TULP3: variants seen among roughly 807,000 people sequenced by gnomAD.
TULP3 encodes tubby-related protein 3.
TULP3 carries 38 observed loss-of-function variants against 50.7 expected under a neutral mutation model. The observed-to-expected ratio is 0.75, with a 90% CI of 0.58 to 0.98. TULP3 has a LOEUF of 0.98. TULP3 is among the 50% of genes least tolerant of loss of function. TULP3 has a pLI of 0.00. For synonymous variants in TULP3, 183 were observed against 196.6 expected (o/e 0.93, Z 0.58); for missense variants, 550 against 568.0 (o/e 0.97, Z 0.32).
chr12:2,901,967 G>A (rs1399113476), intron 1 of TULP3, among the ~76,000 whole-genome samples: 1 of 152,078 alleles, frequency 6.6e-6, no homozygotes, highest in African/African-American at 2.4e-5. Flanking sequence ...CTAGATTTAA[G>A]AATAAAAAAT....
chr12:2,897,920 A>C (rs2098176491), intron 1 of TULP3, among the ~76,000 whole-genome samples: 1 of 151,860 alleles, frequency 6.6e-6, no homozygotes, highest in Admixed American at 6.6e-5. Flanking sequence ...CTCTACTAAA[A>C]ATACAAAATT....
intron 2 of TULP3, among the ~76,000 whole-genome samples, chr12:2,909,970 T>G (rs2153948827): frequency 6.6e-6 from 1 of 152,294 alleles, no homozygotes; most frequent in African/African-American, 2.4e-5. Context: ...AAAATGCATA[T>G]CCGAGCTTGC....
intron 4 of TULP3, among the ~76,000 whole-genome samples, chr12:2,925,708 C>T (rs903116072): frequency 2.6e-5 from 4 of 152,146 alleles, no homozygotes; most frequent in Non-Finnish European, 4.4e-5. Flanking sequence ...GAAAGATATG[C>T]GTTGGACAGA....
intron 1 of TULP3, among the ~76,000 whole-genome samples, chr12:2,903,781 G>A (rs530671667): frequency 2.0e-5 from 3 of 151,700 alleles, no homozygotes; most frequent in African/African-American, 4.8e-5. Flanking sequence ...CTTCTTTTTT[G>A]TTTGTTTGTT....
chr12:2,929,085 G>A (rs913836125), intron 4 of TULP3, among the ~76,000 whole-genome samples: 1 of 150,822 alleles, frequency 6.6e-6, no homozygotes, highest in Non-Finnish European at 1.5e-5. Flanking sequence ...CGGGTGGGCC[G>A]AGACGGGCGG....
Position 2,890,970 on chromosome 12 carries a change from T to C in TULP3, c.23T>C (p.Leu8Pro), listed in dbSNP as rs1285748443. The change falls in exon 1 of 11, where the codon CTC becomes CCC. Residue 8 changes from leucine to proline, a missense_variant. Transcript: ENST00000448120. MEASRCR[L>P]SPSGDSVFHE... ...GGCATGGAGGCTTCGCGCTGCCGGCTCAGTCCCAGCGGCGACAGGTCAGAC... is the reference window on the plus strand; with the variant it reads ...GGCATGGAGGCTTCGCGCTGCCGGCCCAGTCCCAGCGGCGACAGGTCAGAC... 2.5e-6 allele frequency: 4 copies of C among 1,595,402 alleles called. No individual in the cohort carries two copies. The highest frequency in any genetic ancestry group is 2.7e-5 in the African/African-American group (2 of 74,104).
In TULP3 at chr12:2,920,829, G is replaced by A; in HGVS notation, c.160G>A (p.Glu54Lys). 6.2e-7 allele frequency: 1 copy of A among 1,614,142 alleles called. No homozygotes were observed. The highest frequency in any genetic ancestry group is 8.5e-7 in the Non-Finnish European group (1 of 1,180,030). Residue 54 changes from glutamate to lysine, a missense_variant, in exon 3 of 11, where the codon GAA (glutamate) becomes AAA (lysine). Coordinates refer to ENST00000448120, the MANE Select transcript of TULP3 (RefSeq NM_003324.5). ...LEPFMVQPNP[E>K]ARLRRAKPRA... is the part of the protein sequence containing the mutation. ...GCCATTTATGGTGCAGCCCAATCCA[G>A]AAGCCAGGCTACGTCGGGCAAAGCC... is the stretch of plus-strand genomic sequence containing the variant.
At chr12:2,911,415 C>A (rs2098185390) in intron 2 of TULP3, among the ~76,000 whole-genome samples, 1 of 151,484 alleles carries the variant, frequency 6.6e-6, no homozygotes, top group East Asian at 1.9e-4. Context: ...TGCAGTGGCG[C>A]AATCTTGCCT....
Position 2,909,522 on chromosome 12 carries a change from T to G in TULP3, c.42-7T>G, listed in dbSNP as rs767671403. 3.8e-6 allele frequency: 6 copies of G among 1,573,380 alleles called. No homozygotes were observed. The highest frequency in any genetic ancestry group is 1.7e-4 in the Middle Eastern group (1 of 5,828). ...TATACTTGCTTTATTTTTTTTTTTT[T>G]TAACAGTGTCTTCCATGAAGAAATG... On this transcript the variant is annotated splice_polypyrimidine_tract_variant and splice_region_variant and intron_variant, in intron 1 of 10. Transcript: ENST00000448120.
chr12:2,922,192 T>C (rs2302283), intron 3 of TULP3, 70 bp from the exon 4 acceptor site: 664,508 of 1,545,418 alleles, frequency 0.43, 146,134 homozygotes, highest in African/African-American at 0.61. Context: ...TGATCACATA[T>C]GCCAAATCTA....
intron 1 of TULP3, among the ~76,000 whole-genome samples, chr12:2,893,881 T>C (rs1350425520): frequency 4.6e-5 from 7 of 150,884 alleles, no homozygotes; most frequent in Non-Finnish European, 1.0e-4. Context: ...TGGTCTCAAG[T>C]GATCCTCCTG....
intron 2 of TULP3, among the ~76,000 whole-genome samples, chr12:2,917,887 G>A (rs1488047867): frequency 7.2e-6 from 1 of 138,888 alleles, no homozygotes; most frequent in Non-Finnish European, 1.6e-5. Context: ...AAAAAAAAAA[G>A]AAAATATTTT....
intron 4 of TULP3, among the ~76,000 whole-genome samples, chr12:2,928,347 A>G (rs1169215484): frequency 6.6e-6 from 1 of 152,092 alleles, no homozygotes; most frequent in Non-Finnish European, 1.5e-5. Flanking sequence ...CCTGACCAAC[A>G]TGGAGAAACC....
At chr12:2,899,423 G>A (rs2098177567) in intron 1 of TULP3, among the ~76,000 whole-genome samples, 1 of 151,500 alleles carries the variant, frequency 6.6e-6, no homozygotes, top group Admixed American at 6.6e-5. Context: ...GCCAGATTTG[G>A]CCCACACGCT....
At chr12:2,930,572 C>T (rs867831988) in intron 5 of TULP3, among the ~76,000 whole-genome samples, 12 of 152,080 alleles carry the variant, frequency 7.9e-5, no homozygotes, top group Non-Finnish European at 8.8e-5. Context: ...TACAGGCGCC[C>T]GCCATGACAC....
rs141238157 is a variant in TULP3, at chr12:2,896,740, T to G, written c.41+5752T>G. ...GCTATAATCTCATTTTACAGAGAGATATGAAACTCATATGAAAGGAGTTCA... is the reference window on the plus strand; with the variant it reads ...GCTATAATCTCATTTTACAGAGAGAGATGAAACTCATATGAAAGGAGTTCA... On this transcript the variant is annotated intron_variant, in intron 1 of 10. Transcript: ENST00000448120. Among the ~76,000 whole-genome samples the G allele has an allele frequency of 1.8e-4, 27 of 152,308 alleles. No individual in the cohort carries two copies. In the East Asian group the frequency reaches 4.2e-3, roughly 24 times the overall value.
chr12:2,912,794 TAG>T (rs2098186365), intron 2 of TULP3, among the ~76,000 whole-genome samples: 1 of 152,116 alleles, frequency 6.6e-6, no homozygotes, highest in African/African-American at 2.4e-5. Flanking sequence ...TCAGAGCAGG[TAG>T]AGTTTGTAAA....
chr12:2,907,150 C>T (rs1289013683), intron 1 of TULP3, among the ~76,000 whole-genome samples: 2 of 151,834 alleles, frequency 1.3e-5, no homozygotes, highest in Non-Finnish European at 2.9e-5. Flanking sequence ...CCAGCCTGGC[C>T]AACATGGCAA....
In TULP3 at chr12:2,934,486, T is replaced by A; in HGVS notation, c.849T>A (p.Arg283=). Residue 283 remains arginine (R), a synonymous_variant, in exon 8 of 11, where the codon CGT becomes CGA. Coordinates refer to ENST00000448120, the MANE Select transcript of TULP3 (RefSeq NM_003324.5). ...LMGTKFTVYD[R]GICPMKGRGL... ...GGACCAAGTTTACAGTTTATGACCG[T>A]GGCATCTGCCCCATGAAGGGCCGGG... 1 of 1,604,716 alleles carries A rather than the reference T, an allele frequency of 6.2e-7. No individual in the cohort carries two copies. The highest frequency in any genetic ancestry group is 8.5e-7 in the Non-Finnish European group (1 of 1,176,012).
Sources: gnomAD v4.1 joint callset for allele counts (sites outside exome capture counted in the v4.1 genomes callset) on GRCh38, gnomAD v4.1.1 for gene constraint, MANE v1.5 for transcripts, NCBI Gene and HGNC (gene_info 2026-07-23, HGNC 2026-07-21) for gene names.